Variants in USP34 observed in about 807,000 individuals in gnomAD.
USP34 encodes the protein ubiquitin specific peptidase 34.
Under a neutral mutation model 460.3 loss-of-function variants are expected in USP34, and 70 were observed. The observed-to-expected ratio is 0.15, with a 90% CI of 0.13 to 0.19. The LOEUF (loss-of-function observed/expected upper bound fraction) is 0.19, where lower values mean the gene tolerates loss of function less well. Among genes scored for constraint, USP34 ranks in the 10% least tolerant of loss-of-function variants. USP34 has a pLI of 1.00. For synonymous variants in USP34, 1,647 were observed against 1,405.3 expected (o/e 1.17, Z -3.85); for missense variants, 3,985 against 4,236.2 (o/e 0.94, Z 1.65).
intron 27 of USP34, among the ~76,000 whole-genome samples, chr2:61,307,769 C>T (rs899727532): frequency 3.9e-5 from 6 of 151,958 alleles, no homozygotes; most frequent in South Asian, 2.1e-4. Context: ...CTGAAAAGGC[C>T]GGGCGCAGTG....
At chr2:61,340,387 G>A (rs147071314) in intron 16 of USP34, among the ~76,000 whole-genome samples, 267 of 152,236 alleles carry the variant, frequency 1.8e-3, no homozygotes, top group African/African-American at 6.1e-3. Context: ...AACAAGTTTT[G>A]CATCATTTCC....
intron 16 of USP34, 129 bp from the exon 17 acceptor site, chr2:61,339,810 T>C: frequency 2.2e-6 from 1 of 458,880 alleles, no homozygotes. Context: ...AAAAACACAT[T>C]AGCACAATAT....
chr2:61,305,560 A>G (rs906579689), intron 27 of USP34, among the ~76,000 whole-genome samples: 8 of 152,202 alleles, frequency 5.3e-5, no homozygotes, highest in African/African-American at 1.9e-4. Flanking sequence ...AACCAATAGC[A>G]TAGAAACATT....
chr2:61,230,570 G>T (rs780551445), intron 58 of USP34, among the ~76,000 whole-genome samples: 1 of 151,946 alleles, frequency 6.6e-6, no homozygotes. Flanking sequence ...CCAGTTTACC[G>T]CTGGTGCAGT....
At chr2:61,240,952 G>T (rs903145081) in intron 53 of USP34, among the ~76,000 whole-genome samples, 1 of 152,088 alleles carries the variant, frequency 6.6e-6, no homozygotes, top group African/African-American at 2.4e-5. Context: ...ACAACAGAAG[G>T]AACACTTACA....
chr2:61,445,030 G>T (rs973510354), intron 1 of USP34, among the ~76,000 whole-genome samples: 11 of 151,750 alleles, frequency 7.2e-5, no homozygotes, highest in African/African-American at 2.4e-4. Context: ...AGGGGACAAT[G>T]GAATGATTGG....
intron 65 of USP34, among the ~76,000 whole-genome samples, chr2:61,222,268 C>T (rs1237946991): frequency 6.6e-6 from 1 of 152,152 alleles, no homozygotes; most frequent in African/African-American, 2.4e-5. Flanking sequence ...TATAACACTG[C>T]ATTCTATTTT....
chr2:61,198,526 G>A (rs1686876016), intron 75 of USP34, among the ~76,000 whole-genome samples: 2 of 150,506 alleles, frequency 1.3e-5, no homozygotes. Flanking sequence ...AACCATATGG[G>A]TATCATCTGA....
intron 1 of USP34, among the ~76,000 whole-genome samples, chr2:61,456,571 C>CT (rs1254150125): frequency 6.6e-6 from 1 of 152,204 alleles, no homozygotes; most frequent in East Asian, 1.9e-4. Context: ...AATCCCAGCA[C>CT]TTTAGGAAGC....
At chr2:61,239,066 CCA>C (rs780402600) in intron 53 of USP34, among the ~76,000 whole-genome samples, 20 of 151,644 alleles carry the variant, frequency 1.3e-4, no homozygotes, top group Middle Eastern at 3.2e-3. Context: ...CGAACTACAC[CCA>C]TATAAGACGG....
chr2:61,362,708 C>G (rs1343188103), intron 10 of USP34, among the ~76,000 whole-genome samples: 1 of 152,114 alleles, frequency 6.6e-6, no homozygotes, highest in Admixed American at 6.5e-5. Flanking sequence ...TTCTGGAGAT[C>G]TCATGTACAG....
intron 1 of USP34, among the ~76,000 whole-genome samples, chr2:61,463,767 G>C (rs1695677756): frequency 6.6e-6 from 1 of 151,554 alleles, no homozygotes; most frequent in Non-Finnish European, 1.5e-5. Context: ...CCAGGAGGCG[G>C]AGGTTGCAAT....
intron 44 of USP34, 59 bp downstream of exon 44, chr2:61,259,652 C>G (rs892835433): frequency 2.6e-6 from 4 of 1,548,186 alleles, no homozygotes; most frequent in South Asian, 2.3e-5. Context: ...TCCCAAAATG[C>G]TATAATTACA....
chr2:61,370,196 G>A, intron 10 of USP34, 125 bp downstream of exon 10: 1 of 915,446 alleles, frequency 1.1e-6, no homozygotes, highest in Non-Finnish European at 1.7e-6. Flanking sequence ...CCAGATTTCA[G>A]TCCCAGCTTG....
At position 61,349,427 on chromosome 2, in the gene USP34, G is replaced by T. The variant is rs552033562; in HGVS notation, c.1508-142C>A. The T allele has an allele frequency of 1.2e-5, 9 of 747,934 alleles. No homozygotes were observed. In the African/African-American group the frequency reaches 1.6e-4, roughly 13 times the overall value. The allele number at this position is 747,934 out of a possible 1,614,324, so 46.3% of individuals were successfully genotyped here. A position where few individuals can be genotyped will look rare whatever the true frequency, so the allele number is the denominator to read the frequency against. ...TAAGGTTAAGTCCCCACCACCTACA[G>T]TAGTTGTTGGGGGTGCCTGCACAGA... On this transcript the variant is annotated intron_variant, in intron 12 of 79. Coordinates refer to ENST00000398571, the MANE Select transcript of USP34 (RefSeq NM_014709.4).
chr2:61,262,419 A>C (rs779913806), intron 43 of USP34, among the ~76,000 whole-genome samples: 25 of 152,140 alleles, frequency 1.6e-4, no homozygotes, highest in South Asian at 1.2e-3. Context: ...CCCACTTATA[A>C]GTGAGAACAT....
chr2:61,348,236 G>A lies in USP34; in HGVS notation c.1919C>T (p.Thr640Ile). 1 of 1,614,170 alleles carries A rather than the reference G, an allele frequency of 6.2e-7. No homozygotes were observed. The highest frequency in any genetic ancestry group is 8.5e-7 in the Non-Finnish European group (1 of 1,180,026). The change falls in exon 15 of 80, where the codon ACA (threonine) becomes ATA (isoleucine). Residue 640 changes from threonine to isoleucine, a missense_variant. By Grantham distance (89) the Thr-to-Ile change is moderately conservative (BLOSUM62 -1). Transcript: ENST00000398571. ...CTCTAACTTTCTATTCCGAAGATCT[G>A]TACCACAACTGCTTTTGGGAGGATT... Reference protein sequence around the residue: ...GHNPPKSSCGTDLRNRKLESQ... With the variant: ...GHNPPKSSCGIDLRNRKLESQ...
chr2:61,341,763 T>TC (rs1691609684), intron 16 of USP34, among the ~76,000 whole-genome samples: 1 of 143,486 alleles, frequency 7.0e-6, no homozygotes, highest in Non-Finnish European at 1.5e-5. Context: ...TTCTTTTTTT[T>TC]TTTTTTTTTT....
intron 27 of USP34, among the ~76,000 whole-genome samples, chr2:61,302,586 C>T (rs1177147501): frequency 6.6e-6 from 1 of 152,168 alleles, no homozygotes; most frequent in African/African-American, 2.4e-5. Flanking sequence ...ATTGTTAACA[C>T]AGATACAACA....
Sources: gnomAD v4.1 joint callset for allele counts (sites outside exome capture counted in the v4.1 genomes callset) on GRCh38, gnomAD v4.1.1 for gene constraint, MANE v1.5 for transcripts, NCBI Gene and HGNC (gene_info 2026-07-23, HGNC 2026-07-21) for gene names.